MED30: variants seen among roughly 807,000 people sequenced by gnomAD.
The protein encoded by MED30 is mediator of RNA polymerase II transcription subunit 30.
In MED30, 8 loss-of-function variants were observed where a neutral mutation model predicts 21.7. The ratio of observed to expected loss-of-function variants is 0.37; its 90% CI spans 0.22 to 0.67. The LOEUF is 0.67. MED30 is among the 30% of genes least tolerant of loss of function. The pLI is 0.58. For missense variants in MED30, 203 were observed against 228.2 expected (o/e 0.89, Z 0.71); for synonymous variants, 79 against 86.7 (o/e 0.91, Z 0.49).
rs371450290 is a variant in MED30, at chr8:117,520,965, C to T, written c.89C>T (p.Thr30Met). The change falls in exon 1 of 4, where the codon ACG becomes ATG. Residue 30 changes from threonine (T) to methionine (M), a missense_variant. Transcript: ENST00000297347. Reference sequence around the variant, plus strand: ...CAGCAGGCCGCCCGGGAAGTCAACACGGCGTCGCTGTGCCGCATCGGGCAG... The same window carrying T: ...CAGCAGGCCGCCCGGGAAGTCAACATGGCGTCGCTGTGCCGCATCGGGCAG... ...QAQQAAREVN[T>M]ASLCRIGQET... 25 of 1,612,870 alleles carry T rather than the reference C, an allele frequency of 1.6e-5. No homozygotes were observed. Among genetic ancestry groups the T allele is most frequent in the Non-Finnish European group, 2.0e-5 (24 of 1,179,478 alleles).
rs199930281 is a variant in MED30, at chr8:117,524,923, T to C, written c.178-3728T>C. Among the ~76,000 whole-genome samples the C allele has an allele frequency of 3.3e-5, 5 of 152,324 alleles. No homozygotes were observed. The East Asian group carries it at 9.6e-4, about 29-fold the overall frequency. Reference sequence around the variant, plus strand: ...TCATACCCATACAGAAAATACTCCCTTATCCTTTTTATAGTGTATAGTTTA... The same window carrying C: ...TCATACCCATACAGAAAATACTCCCCTATCCTTTTTATAGTGTATAGTTTA... On this transcript the variant is annotated intron_variant, in intron 1 of 3. Transcript: ENST00000297347.
intron 1 of MED30, among the ~76,000 whole-genome samples, chr8:117,525,145 T>G (rs372507420): frequency 3.3e-5 from 5 of 151,866 alleles, no homozygotes; most frequent in South Asian, 4.1e-4. Context: ...CCACAGAGAT[T>G]GAACTAATTT....
chr8:117,523,275 C>A lies in MED30; in HGVS notation c.177+2222C>A, dbSNP rs1434390965. ...ATCCTCTCCAATTTTACTGAGGTGGCTGACCATGTCCACGACCAAATCCGC... is the reference window on the plus strand; with the variant it reads ...ATCCTCTCCAATTTTACTGAGGTGGATGACCATGTCCACGACCAAATCCGC... On this transcript the variant is annotated intron_variant, in intron 1 of 3. Transcript: ENST00000297347. 1.6e-5 allele frequency: 19 copies of A among 1,154,280 alleles called. 1 individual carries two copies. The Admixed American group carries it at 3.2e-4, about 20-fold the overall frequency. 71.5% of individuals were successfully genotyped at this position (1,154,280 alleles called of 1,614,324 possible).
rs974156418 is a variant in MED30 at position 117,540,189 on chromosome 8, G to T, written c.*211G>T. On this transcript the variant is annotated 3_prime_UTR_variant, in exon 4 of 4. Transcript: ENST00000297347. Reference sequence around the variant, plus strand: ...ATTGTAATAAACTTTGATGGGGTTTGTATTTTGGTTAATCTTCATGAATTG... The same window carrying T: ...ATTGTAATAAACTTTGATGGGGTTTTTATTTTGGTTAATCTTCATGAATTG... 1 of 311,330 alleles carries T rather than the reference G, an allele frequency of 3.2e-6. No homozygotes were observed. Among genetic ancestry groups the T allele is most frequent in the Non-Finnish European group, 5.8e-6 (1 of 173,042 alleles). 19.3% of individuals were successfully genotyped at this position (311,330 alleles called of 1,614,324 possible).
intron 3 of MED30, among the ~76,000 whole-genome samples, chr8:117,537,619 T>C (rs935122620): frequency 1.3e-5 from 2 of 152,204 alleles, no homozygotes; most frequent in African/African-American, 4.8e-5. Context: ...TAGTTGTTAC[T>C]TTTTTAAAAA....
At chr8:117,522,635 C>G (rs543651024) in intron 1 of MED30, among the ~76,000 whole-genome samples, 9 of 139,614 alleles carry the variant, frequency 6.4e-5, no homozygotes, top group Non-Finnish European at 1.3e-4. Context: ...TGTTTTATTG[C>G]TTTTTTTTTT....
intron 1 of MED30, among the ~76,000 whole-genome samples, chr8:117,526,963 C>T (rs185828343): frequency 9.9e-5 from 15 of 151,944 alleles, no homozygotes; most frequent in East Asian, 5.8e-4. Context: ...TAAAATAACT[C>T]GCTTAAGTAA....
intron 1 of MED30, among the ~76,000 whole-genome samples, chr8:117,526,536 A>G (rs1303354916): frequency 6.6e-6 from 1 of 152,038 alleles, no homozygotes; most frequent in Non-Finnish European, 1.5e-5. Flanking sequence ...CTTGGTGTCT[A>G]TGGATACGAT....
chr8:117,540,132 T>C lies in MED30; in HGVS notation c.*154T>C. On this transcript the variant is annotated 3_prime_UTR_variant, in exon 4 of 4. Transcript: ENST00000297347. The stretch of plus-strand genomic sequence containing the variant: ...CATTGTGATTTTTACATTAAAATAT[T>C]AACTTTTTTTAATGCTATTTTATGA... 1 of 433,990 alleles carries C rather than the reference T, an allele frequency of 2.3e-6. No individual in the cohort carries two copies. Among genetic ancestry groups the C allele is most frequent in the South Asian group, 4.3e-5 (1 of 23,428 alleles). The allele number at this position is 433,990 out of a possible 1,614,324, so 26.9% of individuals were successfully genotyped here.
intron 3 of MED30, among the ~76,000 whole-genome samples, chr8:117,535,239 CTTTTTTTTTTTTT>C (rs957435711): frequency 8.0e-6 from 1 of 125,776 alleles, no homozygotes; most frequent in Non-Finnish European, 1.7e-5. Context: ...TCCATTGATA[CTTTTTTTTTTTTT>C]TTTTTTTTGA....
intron 3 of MED30, among the ~76,000 whole-genome samples, chr8:117,533,487 A>T (rs1166096609): frequency 2.6e-5 from 4 of 152,180 alleles, no homozygotes; most frequent in Non-Finnish European, 5.9e-5. Context: ...CTTATATCAT[A>T]TTTGGGGTTC....
intron 2 of MED30, chr8:117,530,317 A>G (rs1563789856): frequency 1.3e-5 from 2 of 152,480 alleles, no homozygotes; most frequent in Admixed American, 6.5e-5. Flanking sequence ...ATCTATCTCA[A>G]TAGACTACAA....
intron 1 of MED30, among the ~76,000 whole-genome samples, chr8:117,527,470 T>C (rs1818734101): frequency 6.6e-6 from 1 of 151,896 alleles, no homozygotes; most frequent in South Asian, 2.1e-4. Flanking sequence ...AATTTAGAAG[T>C]ATGAGAAAAG....
chr8:117,538,800 G>C (rs941474583), intron 3 of MED30, among the ~76,000 whole-genome samples: 2 of 152,200 alleles, frequency 1.3e-5, no homozygotes, highest in East Asian at 1.9e-4. Flanking sequence ...GAGATACAGA[G>C]ACACATGCCG....
At chr8:117,523,281 A>G (rs1468668501) in intron 1 of MED30, 1 of 1,201,862 alleles carries the variant, frequency 8.3e-7, no homozygotes, top group Non-Finnish European at 1.2e-6. Flanking sequence ...GTGGCTGACC[A>G]TGTCCACGAC....
At chr8:117,529,588 G>A (rs990581185) in intron 2 of MED30, among the ~76,000 whole-genome samples, 3 of 151,856 alleles carry the variant, frequency 2.0e-5, no homozygotes, top group South Asian at 2.1e-4. Context: ...GATCCTAGTC[G>A]GGTGAAGATT....
chr8:117,531,168 A>G (rs1818787346), intron 3 of MED30, among the ~76,000 whole-genome samples: 1 of 152,026 alleles, frequency 6.6e-6, no homozygotes, highest in African/African-American at 2.4e-5. Context: ...TACAAATATG[A>G]AATGTGAATG....
intron 1 of MED30, 85 bp from the exon 2 acceptor site, chr8:117,528,566 G>A (rs1818752437): frequency 5.6e-6 from 7 of 1,249,632 alleles, no homozygotes; most frequent in Non-Finnish European, 7.7e-6. Context: ...CCTAAAAATT[G>A]TTTCTGTTTG....
rs1168402458 is a variant in MED30 at position 117,520,778 on chromosome 8, A to G, written c.-99A>G. 1.0e-5 allele frequency: 13 copies of G among 1,272,074 alleles called. No individual in the cohort carries two copies. Among genetic ancestry groups the G allele is most frequent in the Non-Finnish European group, 1.4e-5 (13 of 952,390 alleles). 78.8% of individuals were successfully genotyped at this position (1,272,074 alleles called of 1,614,324 possible). A position where few individuals can be genotyped will look rare whatever the true frequency, so the allele number is the denominator to read the frequency against. ...GAAATCGGGCCGCGGGGGGTCTCTC[A>G]AGCTGGTTCCAACGCTGAGGCCCCA... On this transcript the variant is annotated 5_prime_UTR_variant, in exon 1 of 4. Transcript: ENST00000297347.
Sources: allele counts gnomAD v4.1 joint callset (sites outside exome capture counted in the v4.1 genomes callset), GRCh38; gene constraint gnomAD v4.1.1; transcripts MANE v1.5; gene names NCBI Gene and HGNC (gene_info 2026-07-23, HGNC 2026-07-21).